Variants in CNTN5 observed in about 807,000 individuals in gnomAD.
CNTN5 encodes contactin-5.
In CNTN5, 77 loss-of-function variants were observed where a neutral mutation model predicts 129.1. The observed-to-expected ratio is 0.60, with a 90% CI of 0.50 to 0.72. The LOEUF (loss-of-function observed/expected upper bound fraction) is 0.72, where lower values mean the gene tolerates loss of function less well. Ranked by LOEUF, CNTN5 falls within the 30% of genes least tolerant of loss-of-function variation. CNTN5 has a pLI of 0.00. For missense variants in CNTN5, 1,478 were observed against 1,328.8 expected (o/e 1.11, Z -1.75); for synonymous variants, 509 against 465.6 (o/e 1.09, Z -1.20).
chr11:99,997,113 T>A (rs1159067360), intron 8 of CNTN5, among the ~76,000 whole-genome samples: 1 of 152,234 alleles, frequency 6.6e-6, no homozygotes, highest in Non-Finnish European at 1.5e-5. Context: ...TTGCGTCTAT[T>A]TGATTCTTCT....
chr11:99,566,722 C>T (rs965436221), intron 3 of CNTN5, among the ~76,000 whole-genome samples: 10 of 152,030 alleles, frequency 6.6e-5, no homozygotes, highest in African/African-American at 2.4e-4. Context: ...ATAGAACAGC[C>T]TAATAGGACA....
intron 3 of CNTN5, among the ~76,000 whole-genome samples, chr11:99,595,293 A>G (rs1386443965): frequency 6.6e-6 from 1 of 152,178 alleles, no homozygotes; most frequent in Non-Finnish European, 1.5e-5. Context: ...CTTTGTATAT[A>G]TGCACTGAAA....
At position 99,582,358 on chromosome 11, in the gene CNTN5, T is replaced by G. The variant is rs186456296; in HGVS notation, c.55+26089T>G. 3.9e-3 allele frequency among the ~76,000 whole-genome samples: 599 copies of G among 152,324 alleles called. 17 individuals are homozygous for G. Among genetic ancestry groups the G allele is most frequent in the Admixed American group, 0.036 (548 of 15,304 alleles). On this transcript the variant is annotated intron_variant, in intron 3 of 24. Transcript: ENST00000524871. ...TGTGCCATTCTCTTTATTTCCTGAA[T>G]TTGAATGTTGGCCTGCCTTGCTAGG...
chr11:100,099,028 G>A (rs1945120049), intron 13 of CNTN5, among the ~76,000 whole-genome samples: 1 of 152,034 alleles, frequency 6.6e-6, no homozygotes, highest in Admixed American at 6.6e-5. Flanking sequence ...AGACAAGTGG[G>A]AAAAACTGCA....
chr11:99,853,352 A>G (rs1947933812), intron 6 of CNTN5, among the ~76,000 whole-genome samples: 1 of 152,000 alleles, frequency 6.6e-6, no homozygotes, highest in Non-Finnish European at 1.5e-5. Flanking sequence ...ATATATATGT[A>G]GCAGGTATGT....
At chr11:99,136,685 CAAATA>C (rs1043527604) in intron 1 of CNTN5, among the ~76,000 whole-genome samples, 1 of 152,030 alleles carries the variant, frequency 6.6e-6, no homozygotes, top group African/African-American at 2.4e-5. Context: ...TATCAGCTAT[CAAATA>C]AGAGATAGGA....
At chr11:99,654,621 G>C (rs1952281911) in intron 3 of CNTN5, among the ~76,000 whole-genome samples, 1 of 151,134 alleles carries the variant, frequency 6.6e-6, no homozygotes, top group African/African-American at 2.4e-5. Flanking sequence ...GAAGACCTGA[G>C]TTGTTGTTAA....
At chr11:99,076,268 G>C (rs1315242823) in intron 1 of CNTN5, among the ~76,000 whole-genome samples, 1 of 152,114 alleles carries the variant, frequency 6.6e-6, no homozygotes, top group Admixed American at 6.6e-5. Context: ...CTGGGAGCTA[G>C]AGGCTGCAGT....
At chr11:99,502,940 C>G (rs1378518511) in intron 2 of CNTN5, among the ~76,000 whole-genome samples, 3 of 152,128 alleles carry the variant, frequency 2.0e-5, no homozygotes, top group Non-Finnish European at 4.4e-5. Flanking sequence ...TTCAGTCATT[C>G]TGCATGGCTA....
intron 13 of CNTN5, among the ~76,000 whole-genome samples, chr11:100,116,456 C>T (rs1206008698): frequency 6.7e-6 from 1 of 150,352 alleles, no homozygotes; most frequent in Non-Finnish European, 1.5e-5. Flanking sequence ...AGAGTACTAA[C>T]ATAGTATATT....
chr11:99,111,678 G>A (rs1346630675), intron 1 of CNTN5, among the ~76,000 whole-genome samples: 4 of 151,718 alleles, frequency 2.6e-5, no homozygotes. Context: ...TTAATAAAAT[G>A]TTTGCACTGG....
intron 3 of CNTN5, among the ~76,000 whole-genome samples, chr11:99,787,964 G>T (rs1490381371): frequency 6.6e-6 from 1 of 151,686 alleles, no homozygotes; most frequent in Non-Finnish European, 1.5e-5. Context: ...TATAATTTCA[G>T]GTCAATTAAG....
chr11:99,407,591 C>G (rs1256773274), intron 2 of CNTN5, among the ~76,000 whole-genome samples: 1 of 152,120 alleles, frequency 6.6e-6, no homozygotes, highest in African/African-American at 2.4e-5. Flanking sequence ...TCCCTCTATC[C>G]CCCAACTCAA....
intron 1 of CNTN5, among the ~76,000 whole-genome samples, chr11:99,078,030 G>C (rs1408643407): frequency 1.3e-5 from 2 of 152,032 alleles, no homozygotes; most frequent in Non-Finnish European, 2.9e-5. Context: ...TATGTTGGAA[G>C]TTTTCATCCT....
chr11:100,204,321 T>TATATATATAC (rs1948866110), intron 15 of CNTN5, among the ~76,000 whole-genome samples: 1 of 107,230 alleles, frequency 9.3e-6, no homozygotes, highest in East Asian at 3.3e-4. Flanking sequence ...TATATATATA[T>TATATATATAC]ATATATATAT....
chr11:99,697,461 T>C (rs1194755611), intron 3 of CNTN5, among the ~76,000 whole-genome samples: 1 of 151,704 alleles, frequency 6.6e-6, no homozygotes, highest in Non-Finnish European at 1.5e-5. Flanking sequence ...ATTCATAAAA[T>C]TAATTATTAA....
At chr11:99,980,791 T>C (rs1252593537) in intron 8 of CNTN5, among the ~76,000 whole-genome samples, 1 of 152,042 alleles carries the variant, frequency 6.6e-6, no homozygotes, top group African/African-American at 2.4e-5. Context: ...TCTTATTATA[T>C]ATTGCCAAGA....
chr11:99,186,206 C>A (rs193122586), intron 1 of CNTN5, among the ~76,000 whole-genome samples: 1,962 of 151,770 alleles, frequency 0.013, 61 homozygotes, highest in Admixed American at 0.056. Flanking sequence ...GATTTTATTC[C>A]ATTATGAACC....
chr11:99,474,085 C>A (rs941105079), intron 2 of CNTN5, among the ~76,000 whole-genome samples: 1 of 151,962 alleles, frequency 6.6e-6, no homozygotes, highest in Admixed American at 6.6e-5. Flanking sequence ...AATGGGAGTA[C>A]TTGCTTACAT....
Sources: allele counts gnomAD v4.1 joint callset (sites outside exome capture counted in the v4.1 genomes callset), GRCh38; gene constraint gnomAD v4.1.1; transcripts MANE v1.5; gene names NCBI Gene and HGNC (gene_info 2026-07-23, HGNC 2026-07-21).